The following SGSM2 variants were observed in gnomAD, a reference collection of about 807,000 sequenced individuals.
SGSM2 encodes the protein RUN and TBC1 domain containing 1.
In SGSM2, 89 loss-of-function variants were observed where a neutral mutation model predicts 126.6. The observed-to-expected ratio is 0.70, with a 90% CI of 0.59 to 0.84. SGSM2 has a LOEUF of 0.84. Ranked by LOEUF, SGSM2 falls within the 40% of genes least tolerant of loss-of-function variation. SGSM2 has a pLI of 0.00. For missense variants in SGSM2, 1,404 were observed against 1,416.6 expected, an observed-to-expected ratio of 0.99 and a Z score of 0.14; for synonymous variants, 614 against 574.3, an observed-to-expected ratio of 1.07 and a Z score of -0.99.
chr17:2,361,704 G>A lies in SGSM2; in HGVS notation c.201G>A (p.Lys67=). Residue 67 remains lysine, a synonymous_variant, in exon 3 of 24, where the codon AAG becomes AAA. Coordinates refer to ENST00000268989, the MANE Select transcript of SGSM2 (RefSeq NM_014853.3). The stretch of plus-strand genomic sequence containing the variant: ...CCGCTGGCTTCCTGCGCAGTGACAA[G>A]ATGGCAGCCCTGTTCACCAAGGTGG... The part of the protein sequence containing the change: ...RRAAGFLRSD[K]MAALFTKVGK... 1 of 1,614,006 alleles carries A rather than the reference G, an allele frequency of 6.2e-7. No homozygotes were observed. Among genetic ancestry groups the A allele is most frequent in the Non-Finnish European group, 8.5e-7 (1 of 1,180,016 alleles).
In SGSM2 at chr17:2,362,826, GT is replaced by G; in HGVS notation, c.459-11del. 1.2e-6 allele frequency: 2 copies of G among 1,613,860 alleles called. No individual in the cohort carries two copies. The highest frequency in any genetic ancestry group is 3.3e-5 in the Admixed American group (2 of 60,032). Reference sequence around the variant, plus strand: ...CGGAGCCTCGGCAGTCACACTGTCTGTCTCCTGGCAGCAAGTACTACGAGAA... The same window carrying G: ...CGGAGCCTCGGCAGTCACACTGTCTGCTCCTGGCAGCAAGTACTACGAGAA... On this transcript the variant is annotated splice_polypyrimidine_tract_variant and intron_variant, in intron 4 of 23. Coordinates refer to ENST00000268989, the MANE Select transcript of SGSM2 (RefSeq NM_014853.3). The surrounding 1 kb of genome is among the most constrained non-coding windows in gnomAD (Gnocchi z 4.9).
intron 2 of SGSM2, among the ~76,000 whole-genome samples, chr17:2,345,520 C>T (rs571489799): frequency 6.1e-5 from 9 of 146,536 alleles, no homozygotes; most frequent in African/African-American, 1.0e-4. Context: ...GGCGTGAACC[C>T]GGGAGGCGGA....
In SGSM2 at chr17:2,380,170, G is replaced by A; in HGVS notation, c.*650G>A. 3 of 1,494,964 alleles carry A rather than the reference G, an allele frequency of 2.0e-6. No individual in the cohort carries two copies. Among genetic ancestry groups the A allele is most frequent in the Non-Finnish European group, 2.7e-6 (3 of 1,123,062 alleles). 92.6% of individuals were successfully genotyped at this position (1,494,964 alleles called of 1,614,324 possible). A position where few individuals can be genotyped will look rare whatever the true frequency, so the allele number is the denominator to read the frequency against. On this transcript the variant is annotated 3_prime_UTR_variant, in exon 24 of 24. Coordinates refer to ENST00000268989, the MANE Select transcript of SGSM2 (RefSeq NM_014853.3). The stretch of plus-strand genomic sequence containing the variant: ...GCACTGCCACTGCCTTTGGCCACCT[G>A]AGGTGACCCCCAGGCCTCCCCGGCC...
intron 2 of SGSM2, among the ~76,000 whole-genome samples, chr17:2,354,608 A>C (rs903215239): frequency 6.6e-6 from 1 of 152,240 alleles, no homozygotes; most frequent in Admixed American, 6.5e-5. Context: ...ATAATCACGC[A>C]GTTATATCTG....
chr17:2,362,431 TCCCAAAAACTGCAGGTGACCGCCCCGTTC>T lies in SGSM2; in HGVS notation c.458+243_458+271del, dbSNP rs1555600313. 3.0e-4 allele frequency among the ~76,000 whole-genome samples: 12 copies of T among 39,856 alleles called. No homozygotes were observed. Among genetic ancestry groups the T allele is most frequent in the African/African-American group, 1.2e-3 (10 of 8,690 alleles). 26.1% of individuals were successfully genotyped at this position (39,856 alleles called of 152,430 possible). A position where few individuals can be genotyped will look rare whatever the true frequency, so the allele number is the denominator to read the frequency against. ...CCAAAACTGCAGGTGACCGCCCCGT[TCCCAAAAACTGCAGGTGACCGCCCCGTTC>T]CCCAAAAACTGCAGGTGACCGCCCC... On this transcript the variant is annotated intron_variant, in intron 4 of 23. Coordinates refer to ENST00000268989, the MANE Select transcript of SGSM2 (RefSeq NM_014853.3). The surrounding 1 kb of genome is among the most constrained non-coding windows in gnomAD (Gnocchi z 4.9).
rs1312092758 is a variant in SGSM2 at position 2,362,235 on chromosome 17, G to A, written c.423G>A (p.Leu141=). 1 of 1,613,520 alleles carries A rather than the reference G, an allele frequency of 6.2e-7. No individual in the cohort carries two copies. The highest frequency in any genetic ancestry group is 8.5e-7 in the Non-Finnish European group (1 of 1,179,840). The change falls in exon 4 of 24, where the codon CTG becomes CTA. Residue 141 remains leucine, a synonymous_variant. Transcript: ENST00000268989. The surrounding 1 kb of genome is among the most constrained non-coding windows in gnomAD (Gnocchi z 4.9). ...GCACGGCGCTCATCGAGAAAGTTCT[G>A]GACAAGGTCGTGCAATACCTGGCGG... ...WVRTALIEKV[L]DKVVQYLAEN... is the part of the protein sequence containing the mutation.
At chr17:2,351,370 G>T (rs997026613) in intron 2 of SGSM2, among the ~76,000 whole-genome samples, 1 of 152,216 alleles carries the variant, frequency 6.6e-6, no homozygotes, top group Non-Finnish European at 1.5e-5. Context: ...GACTAGAGGG[G>T]CGGCGGCATT....
At chr17:2,354,289 C>T (rs1055079035) in intron 2 of SGSM2, among the ~76,000 whole-genome samples, 1 of 152,070 alleles carries the variant, frequency 6.6e-6, no homozygotes, top group Admixed American at 6.6e-5. Context: ...ACCTCGTGAC[C>T]CACCCGCCTC....
intron 2 of SGSM2, among the ~76,000 whole-genome samples, chr17:2,348,689 T>C (rs1359991729): frequency 6.6e-6 from 1 of 152,120 alleles, no homozygotes; most frequent in Non-Finnish European, 1.5e-5. Context: ...AGAAGAGCAA[T>C]GCAGGCAACA....
rs866891749 is a variant in SGSM2, at chr17:2,372,055, C to G, written c.1578-135C>G. ...GGGACAGGGCACCCACTGACGGCTGCTGGGCTGCGGCTCCTCCTCCTCGCA... is the reference window on the plus strand; with the variant it reads ...GGGACAGGGCACCCACTGACGGCTGGTGGGCTGCGGCTCCTCCTCCTCGCA... On this transcript the variant is annotated intron_variant, in intron 13 of 23. Transcript: ENST00000268989. This position sits in a 1 kb window ranked among gnomAD's most constrained non-coding sequence, Gnocchi z 6.0. 118 of 1,041,122 alleles carry G rather than the reference C, an allele frequency of 1.1e-4. No homozygotes were observed. The Middle Eastern group carries it at 2.0e-3, about 18-fold the overall frequency. The allele number at this position is 1,041,122 out of a possible 1,614,324, so 64.5% of individuals were successfully genotyped here. A position where few individuals can be genotyped will look rare whatever the true frequency, so the allele number is the denominator to read the frequency against.
chr17:2,352,880 C>T (rs2064924442), intron 2 of SGSM2, among the ~76,000 whole-genome samples: 1 of 137,152 alleles, frequency 7.3e-6, no homozygotes, highest in South Asian at 2.5e-4. Flanking sequence ...CGGGTTCACG[C>T]CATTCTCCTG....
intron 2 of SGSM2, among the ~76,000 whole-genome samples, chr17:2,355,535 TG>T (rs1241088212): frequency 9.4e-3 from 23 of 2,438 alleles, no homozygotes; most frequent in Non-Finnish European, 0.022. Flanking sequence ...GTGTAAGGGT[TG>T]GGGGAAGGGA....
rs2065950836 is a variant in SGSM2 at position 2,373,046 on chromosome 17, T to C, written c.1882T>C (p.Tyr628His). 1 of 1,609,046 alleles carries C rather than the reference T, an allele frequency of 6.2e-7. No individual in the cohort carries two copies. Among genetic ancestry groups the C allele is most frequent in the Non-Finnish European group, 8.5e-7 (1 of 1,178,348 alleles). The change falls in exon 16 of 24, where the codon TAC (tyrosine) becomes CAC (histidine). Residue 628 changes from tyrosine (Y) to histidine (H), a missense_variant. Tyr to His is a moderately conservative substitution (Grantham distance 83). Transcript: ENST00000268989. ...CGTCTGGCCCTTTCTGCTTGGCCACTACAAGTTCGGCATGAGCAAGAAGGA... is the reference window on the plus strand; with the variant it reads ...CGTCTGGCCCTTTCTGCTTGGCCACCACAAGTTCGGCATGAGCAAGAAGGA... Reference protein sequence around the residue: ...KDVWPFLLGHYKFGMSKKEME... With the variant: ...KDVWPFLLGHHKFGMSKKEME...
At position 2,379,065 on chromosome 17, in the gene SGSM2, T is replaced by C; in HGVS notation, c.2929T>C (p.Trp977Arg). 1.2e-6 allele frequency: 2 copies of C among 1,614,196 alleles called. No homozygotes were observed. The highest frequency in any genetic ancestry group is 1.7e-6 in the Non-Finnish European group (2 of 1,180,012). Residue 977 changes from tryptophan to arginine, a missense_variant, in exon 23 of 24, where the codon TGG (tryptophan) becomes CGG (arginine). Physicochemically the swap from Trp to Arg is moderately radical, Grantham distance 101. Coordinates refer to ENST00000268989, the MANE Select transcript of SGSM2 (RefSeq NM_014853.3). ...ELLYEDVFAVWEVIWAARHIS... is the reference protein window; with the variant it reads ...ELLYEDVFAVREVIWAARHIS... ...GCTGTATGAGGATGTGTTTGCTGTG[T>C]GGGAGGTGATCTGGGCAGCCAGGCA...
intron 2 of SGSM2, among the ~76,000 whole-genome samples, chr17:2,353,272 G>A (rs551860498): frequency 3.9e-5 from 6 of 152,174 alleles, no homozygotes; most frequent in African/African-American, 1.2e-4. Context: ...GTTTGTTGAG[G>A]GAGGAGGTGA....
intron 12 of SGSM2, among the ~76,000 whole-genome samples, chr17:2,370,035 G>T (rs746107568): frequency 1.4e-4 from 22 of 152,254 alleles, no homozygotes; most frequent in Non-Finnish European, 2.9e-4. Context: ...AACCGGAAGG[G>T]GCTCAGCTCA....
chr17:2,338,135 TGTC>T (rs1425807862), intron 1 of SGSM2, among the ~76,000 whole-genome samples: 2 of 151,962 alleles, frequency 1.3e-5, no homozygotes, highest in East Asian at 3.9e-4. Context: ...CGCAGGTGGG[TGTC>T]GTGCGGGCCG....
intron 2 of SGSM2, among the ~76,000 whole-genome samples, chr17:2,349,852 G>A (rs1001877593): frequency 4.0e-5 from 6 of 151,570 alleles, no homozygotes; most frequent in African/African-American, 1.2e-4. Flanking sequence ...CAATGGAGCG[G>A]TCTTGGCTCA....
At position 2,358,397 on chromosome 17, in the gene SGSM2, C is replaced by T. The variant is rs1395049446; in HGVS notation, c.134-3240C>T. ...ATGTATGTTTCAATTAGTGACAATG[C>T]CTGGGTTTCTGCTCGACTCAGAAGT... On this transcript the variant is annotated intron_variant, in intron 2 of 23. Transcript: ENST00000268989. 2.0e-5 allele frequency among the ~76,000 whole-genome samples: 3 copies of T among 152,120 alleles called. No individual in the cohort carries two copies. In the East Asian group the frequency reaches 5.8e-4, roughly 29 times the overall value.
Sources: allele counts gnomAD v4.1 joint callset (sites outside exome capture counted in the v4.1 genomes callset), GRCh38; gene constraint gnomAD v4.1.1; non-coding constraint Gnocchi (gnomAD v3.1); transcripts MANE v1.5; gene names NCBI Gene and HGNC (gene_info 2026-07-23, HGNC 2026-07-21).